SOS2: variants seen among roughly 807,000 people sequenced by gnomAD.
The protein encoded by SOS2 is son of sevenless homolog 2.
A neutral mutation model predicts 148.2 loss-of-function variants in SOS2; 65 were observed. That is an observed-to-expected ratio of 0.44 (90% CI 0.36 to 0.54). The LOEUF is 0.54. Ranked by LOEUF, SOS2 falls within the 20% of genes least tolerant of loss-of-function variation. The pLI is 0.00. For synonymous variants in SOS2, 539 were observed against 537.1 expected, an observed-to-expected ratio of 1.00 and a Z score of -0.05; for missense variants, 1,341 against 1,590.2, an observed-to-expected ratio of 0.84 and a Z score of 2.67.
chr14:50,189,100 C>G lies in SOS2; in HGVS notation c.511-400G>C, dbSNP rs1050376340. On this transcript the variant is annotated intron_variant, in intron 4 of 22. Coordinates refer to ENST00000216373, the MANE Select transcript of SOS2 (RefSeq NM_006939.4). Reference sequence around the variant, plus strand: ...ACACACACACACACACACACACACACACGCACACACAAATATTACACAATG... The same window carrying G: ...ACACACACACACACACACACACACAGACGCACACACAAATATTACACAATG... 2.0e-4 allele frequency among the ~76,000 whole-genome samples: 29 copies of G among 148,294 alleles called. No individual in the cohort carries two copies. In the South Asian group the frequency reaches 4.7e-3, roughly 24 times the overall value.
chr14:50,196,382 C>T (rs1595014499), intron 4 of SOS2, among the ~76,000 whole-genome samples: 1 of 152,166 alleles, frequency 6.6e-6, no homozygotes, highest in East Asian at 1.9e-4. Context: ...AAAATGGAGT[C>T]TCCATCACCT....
rs1797138271 is a variant in SOS2, at chr14:50,130,405, T to C, written c.3337+96A>G. ...GATATCACTTTTCACACTAATATAGTTTGCAAAGGATTCTATAGTTCCCTA... is the reference window on the plus strand; with the variant it reads ...GATATCACTTTTCACACTAATATAGCTTGCAAAGGATTCTATAGTTCCCTA... On this transcript the variant is annotated intron_variant, in intron 20 of 22. Transcript: ENST00000216373. 25 of 991,250 alleles carry C rather than the reference T, an allele frequency of 2.5e-5. No homozygotes were observed. The South Asian group carries it at 4.0e-4, about 16-fold the overall frequency. 61.4% of individuals were successfully genotyped at this position (991,250 alleles called of 1,614,324 possible).
At chr14:50,121,607 GGGA>G (rs1883516643) in intron 21 of SOS2, among the ~76,000 whole-genome samples, 1 of 151,370 alleles carries the variant, frequency 6.6e-6, no homozygotes, top group Non-Finnish European at 1.5e-5. Flanking sequence ...AGATGGTGTG[GGGA>G]GGTTAGGCAG....
At chr14:50,143,236 G>A (rs368201651) in intron 16 of SOS2, among the ~76,000 whole-genome samples, 20 of 150,308 alleles carry the variant, frequency 1.3e-4, no homozygotes, top group African/African-American at 4.9e-4. Context: ...GGGACAGGAC[G>A]ATCCCTTGAG....
At chr14:50,161,336 A>G (rs1885003363) in intron 9 of SOS2, 146 bp downstream of exon 9, 1 of 651,208 alleles carries the variant, frequency 1.5e-6, no homozygotes, top group Admixed American at 3.2e-5. Context: ...AAGAGAGTAA[A>G]AGACCAACAT....
intron 18 of SOS2, 143 bp from the exon 19 acceptor site, chr14:50,134,382 A>C: frequency 1.9e-6 from 1 of 538,460 alleles, no homozygotes. Context: ...ACAATATGTG[A>C]AAAGTTCACA....
intron 4 of SOS2, among the ~76,000 whole-genome samples, chr14:50,189,657 T>C (rs1886058675): frequency 6.6e-6 from 1 of 152,064 alleles, no homozygotes; most frequent in African/African-American, 2.4e-5. Context: ...TGCGATGCAT[T>C]TCTGATGCAC....
At chr14:50,168,640 T>C (rs1566835221) in intron 8 of SOS2, among the ~76,000 whole-genome samples, 1 of 152,222 alleles carries the variant, frequency 6.6e-6, no homozygotes, top group Non-Finnish European at 1.5e-5. Flanking sequence ...TTATCAGATA[T>C]ATAATTTACA....
At chr14:50,121,148 TG>T (rs909721580) in intron 21 of SOS2, among the ~76,000 whole-genome samples, 3 of 152,200 alleles carry the variant, frequency 2.0e-5, no homozygotes, top group African/African-American at 7.2e-5. Context: ...TCTTTGTCTT[TG>T]CAAGTCTCTC....
At chr14:50,156,951 GTATATATATGTGTA>G (rs1470377706) in intron 12 of SOS2, 34 bp downstream of exon 12, 14 of 844,246 alleles carry the variant, frequency 1.7e-5, no homozygotes, top group South Asian at 3.6e-5. Context: ...GTGTGTGTGT[GTATATATATGTGTA>G]TATATATATA....
intron 21 of SOS2, among the ~76,000 whole-genome samples, chr14:50,121,043 G>A (rs1021659201): frequency 1.3e-5 from 2 of 151,970 alleles, no homozygotes; most frequent in Admixed American, 1.3e-4. Flanking sequence ...CTGCGAGACC[G>A]TATATTTTTG....
chr14:50,224,293 G>GAAAAAA (rs112000335), intron 1 of SOS2, among the ~76,000 whole-genome samples: 914 of 87,046 alleles, frequency 0.011, 28 homozygotes, highest in Non-Finnish European at 0.014. Flanking sequence ...TCCGTCTCAG[G>GAAAAAA]AAAAAAAAAA....
At chr14:50,143,652 G>C (rs758742388) in intron 16 of SOS2, among the ~76,000 whole-genome samples, 4 of 152,050 alleles carry the variant, frequency 2.6e-5, no homozygotes, top group Non-Finnish European at 5.9e-5. Flanking sequence ...ATGTTAGCCA[G>C]GCTGGTATCG....
At chr14:50,225,643 T>C (rs1319328598) in intron 1 of SOS2, among the ~76,000 whole-genome samples, 1 of 152,208 alleles carries the variant, frequency 6.6e-6, no homozygotes, top group Admixed American at 6.5e-5. Context: ...TTTGGAATAA[T>C]TCCAAATGAC....
intron 1 of SOS2, chr14:50,215,386 T>C (rs1045713804): frequency 2.3e-6 from 3 of 1,282,188 alleles, no homozygotes; most frequent in South Asian, 2.5e-5. Flanking sequence ...ATAAATGCTG[T>C]AACAGGACAT....
intron 2 of SOS2, among the ~76,000 whole-genome samples, chr14:50,203,757 T>C (rs1370534149): frequency 1.3e-5 from 2 of 151,986 alleles, no homozygotes; most frequent in Non-Finnish European, 2.9e-5. Context: ...TGCTTATGTC[T>C]GTGTAACCAT....
chr14:50,227,267 C>T, intron 1 of SOS2, among the ~76,000 whole-genome samples: 1 of 87,864 alleles, frequency 1.1e-5, no homozygotes, highest in Non-Finnish European at 2.2e-5. Flanking sequence ...TTTTTTGAGA[C>T]AGAGTCTCGC....
chr14:50,215,639 T>C (rs1287591759), intron 1 of SOS2: 1 of 196,410 alleles, frequency 5.1e-6, no homozygotes, highest in Non-Finnish European at 9.2e-6. Flanking sequence ...GAATTGTTAG[T>C]GGGTGCAGCG....
chr14:50,121,423 ACT>A (rs1883503724), intron 21 of SOS2, among the ~76,000 whole-genome samples: 1 of 151,952 alleles, frequency 6.6e-6, no homozygotes, highest in Non-Finnish European at 1.5e-5. Context: ...AACTTTAAAC[ACT>A]CTAACTGAAC....
Sources: gnomAD v4.1 joint callset for allele counts (sites outside exome capture counted in the v4.1 genomes callset) on GRCh38, gnomAD v4.1.1 for gene constraint, MANE v1.5 for transcripts, NCBI Gene and HGNC (gene_info 2026-07-23, HGNC 2026-07-21) for gene names.